GRAMD2B: variants seen among roughly 807,000 people sequenced by gnomAD.
GRAMD2B encodes the protein GRAM domain containing 2B, also known as GRAM domain-containing protein 2B.
A neutral mutation model predicts 59.2 loss-of-function variants in GRAMD2B; 41 were observed. That is an observed-to-expected ratio of 0.69 (90% CI 0.54 to 0.90). The LOEUF (loss-of-function observed/expected upper bound fraction) is 0.90, where lower values mean the gene tolerates loss of function less well. Among genes scored for constraint, GRAMD2B ranks in the 40% least tolerant of loss-of-function variants. The pLI is 0.00. For synonymous variants in GRAMD2B, 161 were observed against 182.7 expected, an observed-to-expected ratio of 0.88 and a Z score of 0.96; for missense variants, 424 against 500.5, an observed-to-expected ratio of 0.85 and a Z score of 1.46.
intron 8 of GRAMD2B, 75 bp downstream of exon 8, chr5:126,480,782 T>C: frequency 7.4e-7 from 1 of 1,346,300 alleles, no homozygotes; most frequent in East Asian, 2.3e-5. Flanking sequence ...GCTTACACCA[T>C]GACCAGGGTG....
chr5:126,479,639 T>G (rs973516622), intron 6 of GRAMD2B, among the ~76,000 whole-genome samples: 1 of 152,182 alleles, frequency 6.6e-6, no homozygotes, highest in Non-Finnish European at 1.5e-5. Context: ...AGCCAGAATT[T>G]GCAACTGGAT....
chr5:126,483,728 C>T lies in GRAMD2B; in HGVS notation c.847+154C>T, dbSNP rs1482842052. On this transcript the variant is annotated intron_variant, in intron 9 of 13. Transcript: ENST00000285689. ...GGAATGGAATCTGGAGAAAGGATGC[C>T]TTGAGAGTTGGAGGGAAAAGAATTG... 5.3e-6 allele frequency: 3 copies of T among 568,998 alleles called. No individual in the cohort carries two copies. The African/African-American group carries it at 5.7e-5, about 11-fold the overall frequency. The allele number at this position is 568,998 out of a possible 1,614,324, so 35.2% of individuals were successfully genotyped here.
At chr5:126,391,777 G>A (rs1580759392) in intron 1 of GRAMD2B, among the ~76,000 whole-genome samples, 2 of 152,148 alleles carry the variant, frequency 1.3e-5, no homozygotes, top group East Asian at 3.9e-4. Flanking sequence ...ATTACTAATG[G>A]GTACAGGGTT....
At chr5:126,364,099 T>A (rs1333825797) in intron 1 of GRAMD2B, among the ~76,000 whole-genome samples, 3 of 152,254 alleles carry the variant, frequency 2.0e-5, no homozygotes, top group Non-Finnish European at 2.9e-5. Context: ...ATCCTTATTA[T>A]GTTCAAGGCA....
At chr5:126,456,296 G>C (rs749523080) in intron 1 of GRAMD2B, among the ~76,000 whole-genome samples, 1 of 151,898 alleles carries the variant, frequency 6.6e-6, no homozygotes, top group Non-Finnish European at 1.5e-5. Flanking sequence ...CTGCAGCCTC[G>C]AACCCCTGAG....
chr5:126,484,250 A>G (rs1371374185), intron 9 of GRAMD2B, 152 bp from the exon 10 acceptor site: 4 of 807,232 alleles, frequency 5.0e-6, no homozygotes, highest in Admixed American at 2.8e-5. Context: ...TAAGCATTCA[A>G]TTTCAGCCCC....
At chr5:126,424,172 A>G (rs1431266136) in intron 1 of GRAMD2B, among the ~76,000 whole-genome samples, 4 of 152,230 alleles carry the variant, frequency 2.6e-5, no homozygotes, top group Admixed American at 2.0e-4. Flanking sequence ...ATATTACTGT[A>G]CTTCAAGGGA....
intron 1 of GRAMD2B, among the ~76,000 whole-genome samples, chr5:126,452,530 G>A: frequency 6.6e-6 from 1 of 152,080 alleles, no homozygotes; most frequent in East Asian, 1.9e-4. Context: ...CACATCTCAG[G>A]AAACCATGGC....
chr5:126,380,245 T>TA (rs964465524), intron 1 of GRAMD2B, among the ~76,000 whole-genome samples: 1 of 152,240 alleles, frequency 6.6e-6, no homozygotes, highest in Non-Finnish European at 1.5e-5. Context: ...CTGCATTTTT[T>TA]ATTCTGCTCC....
intron 1 of GRAMD2B, among the ~76,000 whole-genome samples, chr5:126,449,775 G>A (rs529207105): frequency 3.3e-5 from 5 of 152,298 alleles, no homozygotes; most frequent in East Asian, 1.9e-4. Flanking sequence ...GCTGATGCCC[G>A]TGTTGATTCA....
In GRAMD2B at chr5:126,484,516, C is replaced by T. The variant is rs1772497790; in HGVS notation, c.962C>T (p.Pro321Leu). ...RVPEGKAKSLPVQGLSETVGI... is the reference protein window; with the variant it reads ...RVPEGKAKSLLVQGLSETVGI... ...CCTGAAGGAAAAGCCAAGAGTCTCC[C>T]TGTACAGGGTAAGGAATGGATGTCT... Residue 321 changes from proline (P) to leucine (L), a missense_variant, in exon 10 of 14, where the codon CCT becomes CTT. Physicochemically the swap from Pro to Leu is moderately conservative, Grantham distance 98. Transcript: ENST00000285689. 6.2e-7 allele frequency: 1 copy of T among 1,613,412 alleles called. No homozygotes were observed. The highest frequency in any genetic ancestry group is 1.7e-5 in the Admixed American group (1 of 59,924).
At chr5:126,481,970 C>CAA (rs34641412) in intron 8 of GRAMD2B, among the ~76,000 whole-genome samples, 2 of 98,126 alleles carry the variant, frequency 2.0e-5, no homozygotes, top group Admixed American at 1.1e-4. Context: ...GACTCCATCT[C>CAA]AAAAAAAAAA....
upstream of GRAMD2B, among the ~76,000 whole-genome samples, chr5:126,420,054 CAAAAAAAAA>C (rs386404926): frequency 9.6e-6 from 1 of 103,704 alleles, no homozygotes; most frequent in Non-Finnish European, 1.9e-5. Flanking sequence ...GACTCTTTCT[CAAAAAAAAA>C]AAAAAAAAAA....
At chr5:126,486,642 G>A (rs561227143) in intron 11 of GRAMD2B, among the ~76,000 whole-genome samples, 1 of 152,180 alleles carries the variant, frequency 6.6e-6, no homozygotes, top group South Asian at 2.1e-4. Flanking sequence ...CTATTAGAAG[G>A]GCCATTATTT....
intron 1 of GRAMD2B, among the ~76,000 whole-genome samples, chr5:126,386,926 T>C (rs1391338791): frequency 6.6e-6 from 1 of 152,222 alleles, no homozygotes; most frequent in Non-Finnish European, 1.5e-5. Flanking sequence ...CAAAACCTTA[T>C]GTCAAATTCT....
Position 126,484,535 on chromosome 5 carries a change from G to C in GRAMD2B, c.970+11G>C. On this transcript the variant is annotated intron_variant, in intron 10 of 13. Coordinates refer to ENST00000285689, the MANE Select transcript of GRAMD2B (RefSeq NM_023927.4). ...GTCTCCCTGTACAGGGTAAGGAATG[G>C]ATGTCTCAGGGGGGTGGGTTTAGAA... 1 of 1,607,552 alleles carries C rather than the reference G, an allele frequency of 6.2e-7. No homozygotes were observed. The highest frequency in any genetic ancestry group is 8.5e-7 in the Non-Finnish European group (1 of 1,177,878).
At chr5:126,423,877 T>C (rs1390061063) in intron 1 of GRAMD2B, among the ~76,000 whole-genome samples, 188 bp downstream of exon 1, 1 of 152,160 alleles carries the variant, frequency 6.6e-6, no homozygotes. Flanking sequence ...ATGGTTTAGA[T>C]TGATTGAAAA....
intron 2 of GRAMD2B, among the ~76,000 whole-genome samples, 194 bp downstream of exon 2, chr5:126,465,739 G>A: frequency 6.6e-6 from 1 of 152,224 alleles, no homozygotes; most frequent in Non-Finnish European, 1.5e-5. Context: ...GCCTTCAGCA[G>A]AGCATCTGCA....
intron 1 of GRAMD2B, 141 bp downstream of exon 1, chr5:126,423,830 T>TAA (rs1208424721): frequency 3.2e-6 from 2 of 630,090 alleles, no homozygotes; most frequent in East Asian, 3.2e-5. Flanking sequence ...TCTCTGTCTC[T>TAA]CACTCTCTCT....
Sources: allele counts gnomAD v4.1 joint callset (sites outside exome capture counted in the v4.1 genomes callset), GRCh38; gene constraint gnomAD v4.1.1; transcripts MANE v1.5; gene names NCBI Gene and HGNC (gene_info 2026-07-23, HGNC 2026-07-21).